The following CENPI variants were observed in gnomAD, a reference collection of about 807,000 sequenced individuals.
CENPI encodes the protein centromere protein I, also known as FSH primary response 1.
In CENPI, 4 loss-of-function variants were observed where a neutral mutation model predicts 60.4. The observed-to-expected ratio is 0.07, with a 90% CI of 0.03 to 0.15. The LOEUF (loss-of-function observed/expected upper bound fraction) is 0.15, where lower values mean the gene tolerates loss of function less well. Among genes scored for constraint, CENPI ranks in the 10% least tolerant of loss-of-function variants. The pLI, the probability that CENPI is intolerant of heterozygous loss-of-function variation, is 1.00. For synonymous variants in CENPI, 157 were observed against 189.4 expected, an observed-to-expected ratio of 0.83 and a Z score of 1.40; for missense variants, 444 against 534.5, an observed-to-expected ratio of 0.83 and a Z score of 1.67.
intron 8 of CENPI, among the ~76,000 whole-genome samples, chrX:101,122,894 CAA>C (rs200548359): frequency 0.011 from 1,238 of 112,070 alleles, 14 homozygotes; most frequent in African/African-American, 0.038. Context: ...AACAAACAAA[CAA>C]AAGATCTTGC....
Position 101,163,125 on chromosome X carries a change from G to A in CENPI, c.*158G>A. The A allele has an allele frequency of 3.9e-6, 2 of 510,229 alleles. No individual in the cohort carries two copies. The highest frequency in any genetic ancestry group is 6.1e-6 in the Non-Finnish European group (2 of 325,679). 42.0% of individuals were successfully genotyped at this position (510,229 alleles called of 1,213,427 possible). On this transcript the variant is annotated 3_prime_UTR_variant, in exon 22 of 22. Transcript: ENST00000682095. ...TCTGTTCATGGCTTAGGAGAGCCTT[G>A]GTGTGCCTAACTGATTTTTCAAAAT...
intron 15 of CENPI, among the ~76,000 whole-genome samples, chrX:101,132,727 AAACT>A (rs1042978372): frequency 1.8e-5 from 2 of 111,643 alleles, no homozygotes; most frequent in African/African-American, 6.5e-5. Context: ...AAAAACAAAC[AAACT>A]GAGAAATACT....
In CENPI at chrX:101,126,315, G is replaced by T. The variant is rs180684465; in HGVS notation, c.688-394G>T. ...AATTTTCCAAGAATTATAATAATCAGGTATTAGCTTCTCTTCTGGTCCTGT... is the reference window on the plus strand; with the variant it reads ...AATTTTCCAAGAATTATAATAATCATGTATTAGCTTCTCTTCTGGTCCTGT... On this transcript the variant is annotated intron_variant, in intron 8 of 21. Coordinates refer to ENST00000682095, the MANE Select transcript of CENPI (RefSeq NM_001386188.2). 4.9e-3 allele frequency among the ~76,000 whole-genome samples: 547 copies of T among 111,969 alleles called. 5 individuals are homozygous for T. The highest frequency in any genetic ancestry group is 0.016 in the African/African-American group (502 of 30,870).
At chrX:101,181,268 A>G in the CENPI span, among the ~76,000 whole-genome samples, 1 of 111,819 alleles carries the variant, frequency 8.9e-6, no homozygotes, top group African/African-American at 3.2e-5. Context: ...TTCTTCTTCA[A>G]TATTGCCTTT....
chrX:101,109,226 A>G (rs1364167639), intron 4 of CENPI, among the ~76,000 whole-genome samples: 4 of 107,962 alleles, frequency 3.7e-5, no homozygotes, highest in Non-Finnish European at 7.7e-5. Context: ...GATTACAGGC[A>G]TGCTCCACCA....
intron 15 of CENPI, among the ~76,000 whole-genome samples, chrX:101,134,642 C>G (rs1881805358): frequency 9.0e-6 from 1 of 110,982 alleles, no homozygotes; most frequent in Non-Finnish European, 1.9e-5. Flanking sequence ...GAATGGAGTA[C>G]AAGAAAGTTG....
Position 101,127,122 on chromosome X carries a change from A to C in CENPI, c.778-16A>C. On this transcript the variant is annotated splice_polypyrimidine_tract_variant and intron_variant, in intron 9 of 21. Coordinates refer to ENST00000682095, the MANE Select transcript of CENPI (RefSeq NM_001386188.2). ...ATGGGTACCTACTCTCTTGTACTTT[A>C]TATCCAAATTTATAGATATATTTTA... is the stretch of plus-strand genomic sequence containing the variant. The C allele has an allele frequency of 8.7e-7, 1 of 1,147,762 alleles. No individual in the cohort carries two copies. Among genetic ancestry groups the C allele is most frequent in the Non-Finnish European group, 1.2e-6 (1 of 861,353 alleles). 94.6% of individuals were successfully genotyped at this position (1,147,762 alleles called of 1,213,427 possible). A position where few individuals can be genotyped will look rare whatever the true frequency, so the allele number is the denominator to read the frequency against.
chrX:101,102,580 C>A (rs1243924022), intron 4 of CENPI, among the ~76,000 whole-genome samples, 169 bp downstream of exon 4: 1 of 108,905 alleles, frequency 9.2e-6, no homozygotes, highest in Non-Finnish European at 1.9e-5. Flanking sequence ...AGGTTGGTCT[C>A]GAACTCCTAG....
chrX:101,102,276 C>A lies in CENPI; in HGVS notation c.229C>A (p.Pro77Thr). Residue 77 changes from proline to threonine, a missense_variant and splice_region_variant, in exon 4 of 22, where the codon CCC becomes ACC. Pro to Thr is a conservative substitution (Grantham distance 38). Transcript: ENST00000682095. The part of the protein sequence containing the change: ...QMAVGYFEKG[P>T]IKASQNKDKT... The stretch of plus-strand genomic sequence containing the variant: ...TTTAATATTGTTTCTTTTTTCAGGT[C>A]CCATTAAAGCTTCACAGAATAAAGA... 1 of 1,157,498 alleles carries A rather than the reference C, an allele frequency of 8.6e-7. No individual in the cohort carries two copies. The highest frequency in any genetic ancestry group is 1.2e-6 in the Non-Finnish European group (1 of 864,198).
rs1376141338 is a variant in CENPI at position 101,109,886 on chromosome X, A to T, written c.484-5A>T. On this transcript the variant is annotated splice_region_variant and splice_polypyrimidine_tract_variant and intron_variant, in intron 5 of 21. Coordinates refer to ENST00000682095, the MANE Select transcript of CENPI (RefSeq NM_001386188.2). Reference sequence around the variant, plus strand: ...TTAAAGATAAGTATTTTGTCTCTTCAATAGGTACTTTTTTATCGTTGGCTG... The same window carrying T: ...TTAAAGATAAGTATTTTGTCTCTTCTATAGGTACTTTTTTATCGTTGGCTG... 8.6e-7 allele frequency: 1 copy of T among 1,163,938 alleles called. No individual in the cohort carries two copies. Among genetic ancestry groups the T allele is most frequent in the South Asian group, 1.8e-5 (1 of 55,644 alleles).
chrX:101,167,693 A>G (rs1035689670), downstream of CENPI, among the ~76,000 whole-genome samples: 10 of 112,083 alleles, frequency 8.9e-5, no homozygotes, highest in African/African-American at 1.9e-4. Flanking sequence ...CAATCATTCA[A>G]AGTCTCTGGA....
intron 20 of CENPI, among the ~76,000 whole-genome samples, chrX:101,160,385 T>G (rs1424512083): frequency 1.9e-5 from 2 of 104,157 alleles, no homozygotes; most frequent in East Asian, 6.0e-4. Flanking sequence ...CTTTTTTTTT[T>G]TTTTTTTTTT....
At chrX:101,166,387 C>T (rs943323082), downstream of CENPI, among the ~76,000 whole-genome samples, 5 of 112,630 alleles carry the variant, frequency 4.4e-5, no homozygotes, top group African/African-American at 9.6e-5. Flanking sequence ...ATCTCTTGAC[C>T]TCGGGATCCA....
intron 19 of CENPI, 61 bp from the exon 20 acceptor site, chrX:101,147,882 G>A (rs1277765923): frequency 8.7e-7 from 1 of 1,153,176 alleles, no homozygotes; most frequent in African/African-American, 1.8e-5. Context: ...ATGACCTGAT[G>A]GGAGTAAGAA....
chrX:101,110,529 G>C (rs931885391), intron 6 of CENPI, among the ~76,000 whole-genome samples: 4 of 112,321 alleles, frequency 3.6e-5, no homozygotes, highest in Non-Finnish European at 7.5e-5. Context: ...TCAATCTACT[G>C]TCCACCTGGA....
Position 101,162,887 on chromosome X carries a change from T to G in CENPI, c.2191T>G (p.Leu731Val). ...TTTATTTTCACAGGGGTTACAAGGC[T>G]TGAAACTTTTTATAAGAAGTAGTGT... ...DYLFSQGLQG[L>V]KLFIRSSVHH... The change falls in exon 22 of 22, where the codon TTG (leucine) becomes GTG (valine). Residue 731 changes from leucine (L) to valine (V), a missense_variant. Leu to Val is a conservative substitution (Grantham distance 32). Coordinates refer to ENST00000682095, the MANE Select transcript of CENPI (RefSeq NM_001386188.2). 8.3e-7 allele frequency: 1 copy of G among 1,209,057 alleles called. No homozygotes were observed. The highest frequency in any genetic ancestry group is 1.1e-6 in the Non-Finnish European group (1 of 893,208).
At chrX:101,178,918 G>A in the CENPI span, among the ~76,000 whole-genome samples, 1 of 112,091 alleles carries the variant, frequency 8.9e-6, no homozygotes, top group South Asian at 3.7e-4. Context: ...CATAATTTAT[G>A]TTTTAGAATT....
At chrX:101,171,905 TGA>T in the CENPI span, among the ~76,000 whole-genome samples, 3 of 111,728 alleles carry the variant, frequency 2.7e-5, no homozygotes, top group Admixed American at 1.9e-4. Flanking sequence ...GGAAACAAAA[TGA>T]GAGGAAATAT....
At chrX:101,148,309 A>G (rs2089979355) in intron 20 of CENPI, 148 bp downstream of exon 20, 3 of 471,102 alleles carry the variant, frequency 6.4e-6, no homozygotes, top group Non-Finnish European at 7.1e-6. Context: ...GCATTGTGCT[A>G]GGCTCAGGGA....
Sources: gnomAD v4.1 joint callset for allele counts (sites outside exome capture counted in the v4.1 genomes callset) on GRCh38, gnomAD v4.1.1 for gene constraint, MANE v1.5 for transcripts, NCBI Gene and HGNC (gene_info 2026-07-23, HGNC 2026-07-21) for gene names.